The following MTAP variants were observed in gnomAD, a reference collection of about 807,000 sequenced individuals.
The protein encoded by MTAP is S-methyl-5'-thioadenosine phosphorylase.
Under a neutral mutation model 33.6 loss-of-function variants are expected in MTAP, and 33 were observed. The observed-to-expected ratio is 0.98, with a 90% confidence interval of 0.74 to 1.31. The LOEUF (loss-of-function observed/expected upper bound fraction) is 1.31, where lower values mean the gene tolerates loss of function less well. Ranked by LOEUF, MTAP falls within the 40% of genes most tolerant of loss-of-function variation. The probability of loss-of-function intolerance (pLI) is 0.00; values close to 1 mark genes in which losing one functional copy is unlikely to be tolerated. For synonymous variants in MTAP, 148 were observed against 125.7 expected, an observed-to-expected ratio of 1.18 and a Z score of -1.19; for missense variants, 367 against 360.0, an observed-to-expected ratio of 1.02 and a Z score of -0.16.
chr9:21,924,009 T>C (rs2131037086), intron 1 of MTAP, among the ~76,000 whole-genome samples: 1 of 152,286 alleles, frequency 6.6e-6, no homozygotes, highest in East Asian at 1.9e-4. Context: ...AAGGCAAGCT[T>C]AGGGGTACCT....
At chr9:21,822,275 A>G (rs1214856154) in intron 4 of MTAP, among the ~76,000 whole-genome samples, 1 of 152,202 alleles carries the variant, frequency 6.6e-6, no homozygotes, top group Non-Finnish European at 1.5e-5. Flanking sequence ...TTAGTGCTAT[A>G]AATTTCCCTC....
chr9:21,804,195 G>A (rs1824144595), intron 1 of MTAP, among the ~76,000 whole-genome samples: 1 of 152,166 alleles, frequency 6.6e-6, no homozygotes, highest in Non-Finnish European at 1.5e-5. Flanking sequence ...AAGTGGTAGT[G>A]CTTATAAGTG....
rs750818328 is a variant in MTAP, at chr9:21,815,428, C to G, written c.34-5C>G. 51 of 1,576,386 alleles carry G rather than the reference C, an allele frequency of 3.2e-5. No homozygotes were observed. The highest frequency in any genetic ancestry group is 5.4e-5 in the African/African-American group (4 of 73,490). On this transcript the variant is annotated splice_polypyrimidine_tract_variant and splice_region_variant and intron_variant, in intron 1 of 7. Transcript: ENST00000644715. ...AATAATCTTCTCTGTCTTTTTCTCT[C>G]TTAGATTGGAATAATTGGTGGAACA...
At chr9:21,851,151 A>T (rs181823345) in intron 5 of MTAP, among the ~76,000 whole-genome samples, 59 of 152,288 alleles carry the variant, frequency 3.9e-4, no homozygotes, top group Admixed American at 1.4e-3. Context: ...ACTACAAATG[A>T]CCCAGACTCT....
At chr9:21,916,118 A>G (rs867772417) in intron 1 of MTAP, among the ~76,000 whole-genome samples, 6 of 146,754 alleles carry the variant, frequency 4.1e-5, no homozygotes, top group South Asian at 2.2e-4. Flanking sequence ...GAAGGAAGGA[A>G]GGAGGGAGGG....
chr9:21,809,989 C>A (rs181669020), intron 1 of MTAP, among the ~76,000 whole-genome samples: 2 of 152,348 alleles, frequency 1.3e-5, no homozygotes, highest in East Asian at 3.9e-4. Context: ...ATCTGTACTT[C>A]TCAAGGGGCA....
At chr9:21,938,504 G>C (rs936399051), downstream of MTAP, among the ~76,000 whole-genome samples, 6 of 151,994 alleles carry the variant, frequency 3.9e-5, no homozygotes, top group Non-Finnish European at 5.9e-5. Context: ...ATAGGAAGTT[G>C]TCAAATAAGG....
intron 1 of MTAP, among the ~76,000 whole-genome samples, chr9:21,928,998 T>C (rs1321449266): frequency 1.3e-5 from 2 of 151,944 alleles, no homozygotes; most frequent in African/African-American, 4.8e-5. Flanking sequence ...GGGGAAACAA[T>C]CCCAGCCTCT....
At chr9:21,809,139 A>G (rs1336056532) in intron 1 of MTAP, 1 of 152,030 alleles carries the variant, frequency 6.6e-6, no homozygotes, top group African/African-American at 2.4e-5. Flanking sequence ...TCATTATATC[A>G]CTTTCTTCCT....
At chr9:21,820,987 CTT>C (rs1222766592) in intron 4 of MTAP, among the ~76,000 whole-genome samples, 1 of 152,214 alleles carries the variant, frequency 6.6e-6, no homozygotes, top group Non-Finnish European at 1.5e-5. Context: ...TGTCCTGAGA[CTT>C]TGCTGAAGTT....
intron 4 of MTAP, among the ~76,000 whole-genome samples, chr9:21,830,352 C>T (rs1262921763): frequency 1.3e-5 from 2 of 152,216 alleles, no homozygotes; most frequent in Non-Finnish European, 2.9e-5. Context: ...AGAACTTTGT[C>T]TAGGAGGCTT....
At chr9:21,854,559 AT>A in intron 5 of MTAP, 71 bp from the exon 6 acceptor site, 1 of 1,465,646 alleles carries the variant, frequency 6.8e-7, no homozygotes, top group Non-Finnish European at 9.0e-7. Flanking sequence ...CTTGGTAAAC[AT>A]TGGGGGGAAG....
In MTAP at chr9:21,818,208, C is replaced by T. The variant is rs1824532473; in HGVS notation, c.347+6C>T. 6.2e-7 allele frequency: 1 copy of T among 1,610,688 alleles called. No homozygotes were observed. Among genetic ancestry groups the T allele is most frequent in the African/African-American group, 1.3e-5 (1 of 74,654 alleles). On this transcript the variant is annotated splice_donor_region_variant and intron_variant, in intron 4 of 7. Coordinates refer to ENST00000644715, the MANE Select transcript of MTAP (RefSeq NM_002451.4). Reference sequence around the variant, plus strand: ...ATTGATCAGTTCATTGACAGGTAAGCAGTCATACAAAATGCTTTAGGCTAT... The same window carrying T: ...ATTGATCAGTTCATTGACAGGTAAGTAGTCATACAAAATGCTTTAGGCTAT...
intron 7 of MTAP, 159 bp from the exon 8 acceptor site, chr9:21,861,817 G>GCC: frequency 3.2e-6 from 2 of 632,858 alleles, no homozygotes; most frequent in Non-Finnish European, 5.7e-6. Context: ...TTCCACATCT[G>GCC]GTTAGTGAAC....
chr9:21,912,671 G>A (rs1818600131), intron 1 of MTAP, among the ~76,000 whole-genome samples: 2 of 152,102 alleles, frequency 1.3e-5, no homozygotes, highest in African/African-American at 4.8e-5. Flanking sequence ...CCCACAGCCA[G>A]TATCATACTG....
At chr9:21,816,470 A>G (rs567063786) in intron 2 of MTAP, among the ~76,000 whole-genome samples, 3 of 152,334 alleles carry the variant, frequency 2.0e-5, no homozygotes, top group Admixed American at 6.5e-5. Flanking sequence ...CGTTACAAAT[A>G]GATCTGACTA....
intron 1 of MTAP, among the ~76,000 whole-genome samples, chr9:21,917,697 A>G (rs1818712997): frequency 6.6e-6 from 1 of 152,192 alleles, no homozygotes; most frequent in Admixed American, 6.5e-5. Flanking sequence ...TCCTTAAAGA[A>G]CTAAAAGTAG....
chr9:21,936,345 C>A (rs567353092), exon 8 of MTAP: 1 of 152,318 alleles, frequency 6.6e-6, no homozygotes, highest in South Asian at 2.1e-4. Flanking sequence ...ATTGTTTGGA[C>A]ATATCTATCC....
intron 5 of MTAP, among the ~76,000 whole-genome samples, chr9:21,846,504 A>T (rs1340708983): frequency 1.3e-5 from 2 of 152,202 alleles, no homozygotes; most frequent in Non-Finnish European, 2.9e-5. Context: ...AAAATTACTA[A>T]TCCAGGAAAT....
Sources: allele counts gnomAD v4.1 joint callset (sites outside exome capture counted in the v4.1 genomes callset), GRCh38; gene constraint gnomAD v4.1.1; transcripts MANE v1.5; gene names NCBI Gene and HGNC (gene_info 2026-07-23, HGNC 2026-07-21).